IMPG2: variants seen among roughly 807,000 people sequenced by gnomAD.
The protein encoded by IMPG2 is IPM 200.
In IMPG2, 91 loss-of-function variants were observed where a neutral mutation model predicts 129.2. The observed-to-expected ratio is 0.70, with a 90% CI of 0.59 to 0.84. The LOEUF is 0.84. Among genes scored for constraint, IMPG2 ranks in the 40% least tolerant of loss-of-function variants. The pLI, the probability that IMPG2 is intolerant of heterozygous loss-of-function variation, is 0.00. For synonymous variants in IMPG2, 510 were observed against 517.7 expected (o/e 0.99, Z 0.20); for missense variants, 1,430 against 1,461.7 (o/e 0.98, Z 0.35).
rs761950821 is a variant in IMPG2, at chr3:101,257,797, G to A, written c.909-24C>T. 9.9e-6 allele frequency: 16 copies of A among 1,612,424 alleles called. No individual in the cohort carries two copies. The East Asian group carries it at 1.1e-4, about 11-fold the overall frequency. ...CACTATGGATGGAAAGAGAGAACAGGTTAGGTTCAGCTAAGGAAGCACAAA... is the reference window on the plus strand; with the variant it reads ...CACTATGGATGGAAAGAGAGAACAGATTAGGTTCAGCTAAGGAAGCACAAA... On this transcript the variant is annotated intron_variant, in intron 9 of 18. Transcript: ENST00000193391.
Position 101,291,484 on chromosome 3 carries a change from T to A in IMPG2, c.528A>T (p.Val176=). The A allele has an allele frequency of 6.2e-7, 1 of 1,613,188 alleles. No homozygotes were observed. The highest frequency in any genetic ancestry group is 1.3e-5 in the African/African-American group (1 of 75,050). Residue 176 remains valine (V), a synonymous_variant, in exon 4 of 19, where the codon GTA becomes GTT. Transcript: ENST00000193391. ...TGGGAAAAAGAGACACTCACCTGCTTACAGTTTCCTTTGCATAAGTCAGTT... is the reference window on the plus strand; with the variant it reads ...TGGGAAAAAGAGACACTCACCTGCTAACAGTTTCCTTTGCATAAGTCAGTT... ...MKKLTYAKET[V]SSSELSSPVP...
At chr3:101,285,275 T>G (rs1456421804) in intron 4 of IMPG2, among the ~76,000 whole-genome samples, 1 of 152,180 alleles carries the variant, frequency 6.6e-6, no homozygotes, top group Non-Finnish European at 1.5e-5. Flanking sequence ...ACTGCCAGTG[T>G]GCACCAAAAG....
At chr3:101,266,375 A>G (rs1706720427) in intron 9 of IMPG2, among the ~76,000 whole-genome samples, 1 of 152,204 alleles carries the variant, frequency 6.6e-6, no homozygotes, top group African/African-American at 2.4e-5. Flanking sequence ...TTAACTTCCA[A>G]ATGCATTTTA....
rs1454864283 is a variant in IMPG2, at chr3:101,319,819, T to C, written c.99A>G (p.Leu33=). Residue 33 remains leucine, a synonymous_variant, in exon 2 of 19, where the codon TTA becomes TTG. Coordinates refer to ENST00000193391, the MANE Select transcript of IMPG2 (RefSeq NM_016247.4). ...TGGGTTCTTGGATCTCCTCTATAGATAAGTAGGTTTGTGCTACAGAGTGAA... is the reference window on the plus strand; with the variant it reads ...TGGGTTCTTGGATCTCCTCTATAGACAAGTAGGTTTGTGCTACAGAGTGAA... ...DFPSLTAQTY[L]SIEEIQEPKS... 2 of 1,612,066 alleles carry C rather than the reference T, an allele frequency of 1.2e-6. No homozygotes were observed. The highest frequency in any genetic ancestry group is 1.1e-5 in the South Asian group (1 of 91,072).
Position 101,245,921 on chromosome 3 carries a change from G to T in IMPG2, c.1424C>A (p.Ser475Tyr). ...GCTGCTAACCTCTAAAACCTCTGGG[G>T]AAGAGCTGAGGCCCATCTTCGAGGG... ...AFPSKMGLSS[S>Y]PEVLEVSSLT... Residue 475 changes from serine (S) to tyrosine (Y), a missense_variant, in exon 12 of 19, where the codon TCC becomes TAC. Ser to Tyr is a moderately radical substitution (Grantham distance 144). Coordinates refer to ENST00000193391, the MANE Select transcript of IMPG2 (RefSeq NM_016247.4). 1.2e-6 allele frequency: 2 copies of T among 1,614,176 alleles called. No homozygotes were observed. Among genetic ancestry groups the T allele is most frequent in the Non-Finnish European group, 1.7e-6 (2 of 1,180,008 alleles).
intron 7 of IMPG2, among the ~76,000 whole-genome samples, chr3:101,271,957 C>T (rs1239532839): frequency 6.6e-6 from 1 of 152,162 alleles, no homozygotes; most frequent in Admixed American, 6.5e-5. Context: ...GCATAAGGAA[C>T]TATGTGAGGA....
Position 101,223,802 on chromosome 3 carries a change from G to A in IMPG2, c.*3167C>T, listed in dbSNP as rs942068717. On this transcript the variant is annotated 3_prime_UTR_variant, in exon 19 of 19. Coordinates refer to ENST00000193391, the MANE Select transcript of IMPG2 (RefSeq NM_016247.4). ...GATAATGCAGAAGAAGAAAACAGAA[G>A]GTGAGAATAAAATCAGGTAAAGCCT... The A allele has an allele frequency of 1.3e-5, 2 of 152,156 alleles. No individual in the cohort carries two copies. Among genetic ancestry groups the A allele is most frequent in the African/African-American group, 2.4e-5 (1 of 41,422 alleles). 9.4% of individuals were successfully genotyped at this position (152,156 alleles called of 1,614,324 possible).
At chr3:101,317,005 A>T (rs2058788770) in intron 2 of IMPG2, among the ~76,000 whole-genome samples, 1 of 152,002 alleles carries the variant, frequency 6.6e-6, no homozygotes, top group Non-Finnish European at 1.5e-5. Flanking sequence ...ATTTATATAT[A>T]AAAGTATAGA....
At chr3:101,283,084 G>T (rs867915226) in intron 4 of IMPG2, among the ~76,000 whole-genome samples, 1 of 152,080 alleles carries the variant, frequency 6.6e-6, no homozygotes, top group Non-Finnish European at 1.5e-5. Context: ...GTGCAGTGGC[G>T]CAATCTCGGC....
At position 101,244,326 on chromosome 3, in the gene IMPG2, G is replaced by A. The variant is rs763357886; in HGVS notation, c.2005C>T (p.His669Tyr). The change falls in exon 13 of 19, where the codon CAT becomes TAT. Residue 669 changes from histidine to tyrosine, a missense_variant. Physicochemically the swap from His to Tyr is moderately conservative, Grantham distance 83 (BLOSUM62 2). Coordinates refer to ENST00000193391, the MANE Select transcript of IMPG2 (RefSeq NM_016247.4). ...GGAAAGTGTGTGGATCTGTCATCAT[G>A]TTCATATTTTGAGTGCTTACTAATT... is the stretch of plus-strand genomic sequence containing the variant. ...DQISKHSKYE[H>Y]DDRSTHFPEE... 6.2e-7 allele frequency: 1 copy of A among 1,614,006 alleles called. No individual in the cohort carries two copies. The highest frequency in any genetic ancestry group is 8.5e-7 in the Non-Finnish European group (1 of 1,179,956).
At chr3:101,228,668 CA>C in intron 18 of IMPG2, 128 bp downstream of exon 18, 2 of 750,354 alleles carry the variant, frequency 2.7e-6, no homozygotes, top group Non-Finnish European at 4.7e-6. Context: ...AAGAACTCAA[CA>C]AATGTTGGTT....
At chr3:101,273,515 GT>G (rs1706809071) in intron 7 of IMPG2, 65 bp downstream of exon 7, 1 of 1,512,342 alleles carries the variant, frequency 6.6e-7, no homozygotes, top group Non-Finnish European at 9.2e-7. Flanking sequence ...TTTAAACAGT[GT>G]TGTGAATATA....
At chr3:101,276,597 G>C (rs1706842487) in intron 5 of IMPG2, 67 bp downstream of exon 5, 1 of 1,075,734 alleles carries the variant, frequency 9.3e-7, no homozygotes, top group Non-Finnish European at 1.4e-6. Context: ...AAATGTACTT[G>C]TTTGTGAGCC....
chr3:101,229,300 A>ACCCCCCCCCACCCCCCCCCCCCCCCC, intron 17 of IMPG2, 80 bp downstream of exon 17: 1 of 859,118 alleles, frequency 1.2e-6, no homozygotes, highest in Non-Finnish European at 1.9e-6. Context: ...ACTCATACAC[A>ACCCCCCCCCACCCCCCCCCCCCCCCC]CCCCCACCCA....
Position 101,243,967 on chromosome 3 carries a change from A to G in IMPG2, c.2364T>C (p.Ser788=). The G allele has an allele frequency of 1.2e-6, 2 of 1,614,198 alleles. No individual in the cohort carries two copies. The highest frequency in any genetic ancestry group is 8.5e-7 in the Non-Finnish European group (1 of 1,180,024). ...PESERVWTRT[S]SLEKLSRDIL... ...TGTCTCTGGACAATTTCTCTAGGGA[A>G]GAAGTTCTTGTCCAAACTCTCTCTG... Residue 788 remains serine, a synonymous_variant, in exon 13 of 19, where the codon TCT becomes TCC. Coordinates refer to ENST00000193391, the MANE Select transcript of IMPG2 (RefSeq NM_016247.4).
chr3:101,266,451 C>A (rs1190766738), intron 9 of IMPG2, among the ~76,000 whole-genome samples: 1 of 152,150 alleles, frequency 6.6e-6, no homozygotes, highest in Non-Finnish European at 1.5e-5. Context: ...ACTGTAGGAG[C>A]CTTTTCCCCC....
chr3:101,227,863 T>A (rs759437861), intron 18 of IMPG2: 7 of 456,228 alleles, frequency 1.5e-5, no homozygotes, highest in South Asian at 7.7e-5. Flanking sequence ...AGGAGCCACC[T>A]ATCAGAGAAA....
rs1380237692 is a variant in IMPG2 at position 101,235,068 on chromosome 3, C to A, written c.3023-2077G>T. ...CACATAGACTGAAGGTAATTTTATACAACATTTTAAATAATTTTGTGCGTA... is the reference window on the plus strand; with the variant it reads ...CACATAGACTGAAGGTAATTTTATAAAACATTTTAAATAATTTTGTGCGTA... On this transcript the variant is annotated intron_variant, in intron 14 of 18. Transcript: ENST00000193391. 3.3e-5 allele frequency among the ~76,000 whole-genome samples: 5 copies of A among 152,232 alleles called. No individual in the cohort carries two copies. The East Asian group carries it at 9.7e-4, about 29-fold the overall frequency.
chr3:101,294,605 C>A (rs772367418), intron 3 of IMPG2, among the ~76,000 whole-genome samples: 3 of 152,128 alleles, frequency 2.0e-5, no homozygotes, highest in African/African-American at 7.2e-5. Context: ...TGGGTATATA[C>A]CCAATAATGG....
Sources: gnomAD v4.1 joint callset for allele counts (sites outside exome capture counted in the v4.1 genomes callset) on GRCh38, gnomAD v4.1.1 for gene constraint, MANE v1.5 for transcripts, NCBI Gene and HGNC (gene_info 2026-07-23, HGNC 2026-07-21) for gene names.